Variants in ADAMTS19 observed in about 807,000 individuals in gnomAD.
ADAMTS19 encodes the protein A disintegrin and metalloproteinase with thrombospondin motifs 19.
A neutral mutation model predicts 153.3 loss-of-function variants in ADAMTS19; 93 were observed. The observed-to-expected ratio is 0.61, with a 90% CI of 0.51 to 0.72. The LOEUF (loss-of-function observed/expected upper bound fraction) is 0.72. Among genes scored for constraint, ADAMTS19 ranks in the 30% least tolerant of loss-of-function variants. ADAMTS19 has a pLI of 0.00. For missense variants in ADAMTS19, 1,482 were observed against 1,552.1 expected (o/e 0.95, Z 0.76); for synonymous variants, 600 against 556.6 (o/e 1.08, Z -1.10).
At position 129,536,839 on chromosome 5, in the gene ADAMTS19, C is replaced by T. The variant is rs995688344; in HGVS notation, c.1328+8162C>T. Among the ~76,000 whole-genome samples the T allele has an allele frequency of 2.0e-5, 3 of 150,156 alleles. No individual in the cohort carries two copies. In the East Asian group the frequency reaches 6.0e-4, roughly 30 times the overall value. On this transcript the variant is annotated intron_variant, in intron 6 of 22. Coordinates refer to ENST00000274487, the MANE Select transcript of ADAMTS19 (RefSeq NM_133638.6). ...AAAACAAACACTGCATGTTCTCACT[C>T]ATAGGTGGGAATTGAACAATGAGAA...
At chr5:129,573,074 T>C (rs1753970283) in intron 7 of ADAMTS19, among the ~76,000 whole-genome samples, 1 of 152,166 alleles carries the variant, frequency 6.6e-6, no homozygotes, top group Admixed American at 6.6e-5. Context: ...GGAGTACATA[T>C]TGAAATCCAT....
At chr5:129,582,425 T>G (rs1199817694) in intron 7 of ADAMTS19, among the ~76,000 whole-genome samples, 1 of 151,792 alleles carries the variant, frequency 6.6e-6, no homozygotes, top group East Asian at 1.9e-4. Context: ...ACCTCTGCTC[T>G]TTTTTTTGCT....
intron 18 of ADAMTS19, 23 bp from the exon 19 acceptor site, chr5:129,694,697 C>T: frequency 6.6e-7 from 1 of 1,513,046 alleles, no homozygotes. Flanking sequence ...AATAATATTT[C>T]TTTGTTTATT....
chr5:129,514,204 A>G (rs1239476956), intron 3 of ADAMTS19, among the ~76,000 whole-genome samples: 1 of 152,046 alleles, frequency 6.6e-6, no homozygotes. Context: ...GGACACTTGG[A>G]TTGCTCCCAA....
chr5:129,716,207 TA>T (rs1756722534), intron 21 of ADAMTS19, among the ~76,000 whole-genome samples: 1 of 152,164 alleles, frequency 6.6e-6, no homozygotes, highest in Non-Finnish European at 1.5e-5. Flanking sequence ...TATTTGTATT[TA>T]TTTTTTTGAT....
intron 8 of ADAMTS19, among the ~76,000 whole-genome samples, chr5:129,599,176 G>C (rs139311483): frequency 1.3e-5 from 2 of 151,782 alleles, no homozygotes; most frequent in Non-Finnish European, 2.9e-5. Context: ...TTTCATTCTA[G>C]GAATGATAGG....
At chr5:129,545,212 T>G (rs1352758454) in intron 6 of ADAMTS19, among the ~76,000 whole-genome samples, 2 of 152,176 alleles carry the variant, frequency 1.3e-5, no homozygotes, top group Non-Finnish European at 2.9e-5. Context: ...AACAGTTGAT[T>G]TGAAAACTGA....
At chr5:129,728,145 A>C (rs1248296846) in intron 21 of ADAMTS19, among the ~76,000 whole-genome samples, 1 of 152,174 alleles carries the variant, frequency 6.6e-6, no homozygotes, top group Non-Finnish European at 1.5e-5. Flanking sequence ...GCACCATGAC[A>C]GTTTACAAAT....
chr5:129,714,412 C>T (rs182737265), intron 21 of ADAMTS19, among the ~76,000 whole-genome samples: 2 of 114,982 alleles, frequency 1.7e-5, no homozygotes, highest in South Asian at 2.8e-4. Flanking sequence ...GGCGACAGAG[C>T]GAGACTCCGT....
chr5:129,468,880 C>T (rs941797506), intron 2 of ADAMTS19, among the ~76,000 whole-genome samples: 3 of 150,964 alleles, frequency 2.0e-5, no homozygotes, highest in Admixed American at 6.6e-5. Context: ...GGGTTCCTGC[C>T]ATTCTCCTGC....
intron 21 of ADAMTS19, among the ~76,000 whole-genome samples, chr5:129,723,950 T>G (rs113367965): frequency 0.02 from 2,989 of 152,284 alleles, 85 homozygotes; most frequent in African/African-American, 0.066. Context: ...TGATTGGCAA[T>G]TGATTGAAAG....
intron 2 of ADAMTS19, 110 bp from the exon 3 acceptor site, chr5:129,508,967 G>C (rs750267763): frequency 3.5e-6 from 3 of 852,618 alleles, no homozygotes; most frequent in Non-Finnish European, 5.1e-6. Context: ...AGTTTCACTA[G>C]AAGACTGTAT....
intron 8 of ADAMTS19, among the ~76,000 whole-genome samples, chr5:129,606,805 A>T (rs959902537): frequency 5.3e-5 from 8 of 152,218 alleles, no homozygotes; most frequent in Admixed American, 3.9e-4. Context: ...CTAATGATTT[A>T]TACCTATCCC....
At chr5:129,687,774 A>T (rs1755158366) in intron 18 of ADAMTS19, among the ~76,000 whole-genome samples, 2 of 152,126 alleles carry the variant, frequency 1.3e-5, no homozygotes, top group Non-Finnish European at 2.9e-5. Context: ...AGGAGGCTTC[A>T]TGTAGTTTAT....
chr5:129,625,232 A>G (rs992013218), intron 10 of ADAMTS19, among the ~76,000 whole-genome samples: 1 of 152,190 alleles, frequency 6.6e-6, no homozygotes, highest in Non-Finnish European at 1.5e-5. Context: ...AATCCAGTCT[A>G]TCACTGATGG....
At chr5:129,629,021 G>C (rs752341245) in intron 10 of ADAMTS19, among the ~76,000 whole-genome samples, 1 of 151,956 alleles carries the variant, frequency 6.6e-6, no homozygotes, top group Non-Finnish European at 1.5e-5. Flanking sequence ...CCTTCAATTG[G>C]CTCTATGTGG....
chr5:129,524,128 C>A (rs570542874), intron 3 of ADAMTS19, among the ~76,000 whole-genome samples: 1 of 152,190 alleles, frequency 6.6e-6, no homozygotes, highest in Admixed American at 6.5e-5. Flanking sequence ...ACCAATGGAA[C>A]AGAACAGAGA....
chr5:129,711,639 G>A (rs932899576), intron 21 of ADAMTS19, among the ~76,000 whole-genome samples: 1 of 151,798 alleles, frequency 6.6e-6, no homozygotes, highest in African/African-American at 2.4e-5. Flanking sequence ...TCACACCACT[G>A]CACTCCAGCC....
intron 10 of ADAMTS19, among the ~76,000 whole-genome samples, chr5:129,622,836 A>AAATGCC (rs1319167378): frequency 1.3e-5 from 2 of 152,174 alleles, no homozygotes; most frequent in African/African-American, 4.8e-5. Context: ...GATACATTGT[A>AAATGCC]AATGCTATGT....
Sources: allele counts gnomAD v4.1 joint callset (sites outside exome capture counted in the v4.1 genomes callset), GRCh38; gene constraint gnomAD v4.1.1; transcripts MANE v1.5; gene names NCBI Gene and HGNC (gene_info 2026-07-23, HGNC 2026-07-21).